Variants in SPTBN5 observed in about 807,000 individuals in gnomAD.
SPTBN5 encodes the protein spectrin beta chain, non-erythrocytic 5.
A neutral mutation model predicts 477.6 loss-of-function variants in SPTBN5; 513 were observed. That is an observed-to-expected ratio of 1.07 (90% CI 1.00 to 1.16). SPTBN5 has a LOEUF of 1.16. Ranked by LOEUF, SPTBN5 falls within the 50% of genes most tolerant of loss-of-function variation. The probability of loss-of-function intolerance (pLI) is 0.00; values close to 1 mark genes in which losing one functional copy is unlikely to be tolerated. For missense variants in SPTBN5, 5,062 were observed against 4,731.8 expected (o/e 1.07, Z -2.05); for synonymous variants, 2,169 against 2,011.7 (o/e 1.08, Z -2.09).
rs928629054 is a variant in SPTBN5, at chr15:41,874,988, G to T, written c.4356C>A (p.Arg1452=). Residue 1452 remains arginine, a synonymous_variant, in exon 23 of 68, where the codon CGC becomes CGA. Transcript: ENST00000320955. ...LQSSETGQDL[R]SSQRLQKRHQ... is the part of the protein sequence containing the mutation. ...GCCGTTTCTGCAGCCTCTGGCTGGA[G>T]CGCAGGTCCTGCCCTGTTTCCGAGC... The T allele has an allele frequency of 6.2e-7, 1 of 1,613,598 alleles. No homozygotes were observed. Among genetic ancestry groups the T allele is most frequent in the African/African-American group, 1.3e-5 (1 of 74,940 alleles).
chr15:41,867,907 G>A (rs1377213653), intron 34 of SPTBN5, among the ~76,000 whole-genome samples, 162 bp downstream of exon 34: 1 of 152,246 alleles, frequency 6.6e-6, no homozygotes, highest in Non-Finnish European at 1.5e-5. Flanking sequence ...TGGACGCTCA[G>A]GGGCCTCAGC....
chr15:41,852,520 GAGC>G lies in SPTBN5; in HGVS notation c.10449+111_10449+113del, dbSNP rs769667901. ...CACCACCGCAGCTGGCCAGGGAAAGGAGCAGGTAAGGCAGGGCCGGGTGAGGGC... is the reference window on the plus strand; with the variant it reads ...CACCACCGCAGCTGGCCAGGGAAAGGAGGTAAGGCAGGGCCGGGTGAGGGC... On this transcript the variant is annotated intron_variant, in intron 61 of 67. Transcript: ENST00000320955. 293 of 1,343,062 alleles carry G rather than the reference GAGC, an allele frequency of 2.2e-4. 1 individual carries two copies. The highest frequency in any genetic ancestry group is 2.2e-4 in the Non-Finnish European group (212 of 943,436). The allele number at this position is 1,343,062 out of a possible 1,614,324, so 83.2% of individuals were successfully genotyped here.
chr15:41,884,921 C>CG (rs2067097785), intron 7 of SPTBN5, among the ~76,000 whole-genome samples: 1 of 152,222 alleles, frequency 6.6e-6, no homozygotes, highest in East Asian at 1.9e-4. Flanking sequence ...TCTGCATGGC[C>CG]AGCTCGTCAC....
At chr15:41,874,556 C>A in intron 23 of SPTBN5, 78 bp from the exon 24 acceptor site, 1 of 1,261,554 alleles carries the variant, frequency 7.9e-7, no homozygotes, top group African/African-American at 1.5e-5. Context: ...TTGGCCAAGC[C>A]AGGGCCCGTG....
chr15:41,853,267 C>T lies in SPTBN5; in HGVS notation c.10161G>A (p.Met3387Ile), dbSNP rs1485946154. The T allele has an allele frequency of 1.9e-6, 3 of 1,604,220 alleles. No individual in the cohort carries two copies. The highest frequency in any genetic ancestry group is 1.1e-5 in the South Asian group (1 of 90,160). The change falls in exon 59 of 68, where the codon ATG becomes ATA. Residue 3387 changes from methionine to isoleucine, a missense_variant. Transcript: ENST00000320955. ...GQQLVDNSHFMSAEVTECLQE... is the reference protein window; with the variant it reads ...GQQLVDNSHFISAEVTECLQE... ...CCCTCTGAGTTCACACCTCCGCAGA[C>T]ATGAAGTGGCTGTTGTCCACCAGCT...
At chr15:41,855,080 C>CAT in intron 55 of SPTBN5, 104 bp from the exon 56 acceptor site, 1 of 1,445,662 alleles carries the variant, frequency 6.9e-7, no homozygotes, top group South Asian at 1.4e-5. Context: ...ATCCCTCAGC[C>CAT]CAGGTTCTGG....
At position 41,861,910 on chromosome 15, in the gene SPTBN5, G is replaced by C; in HGVS notation, c.7562C>G (p.Ser2521Cys). The C allele has an allele frequency of 6.2e-7, 1 of 1,604,332 alleles. No homozygotes were observed. Among genetic ancestry groups the C allele is most frequent in the Non-Finnish European group, 8.5e-7 (1 of 1,178,250 alleles). The part of the protein sequence containing the change: ...EHQECKAELD[S>C]WTDSISLARS... ...GGCCAGGCTGATGCTGTCTGTCCAG[G>C]AGTCCAGCTCGGCCTGGAACAGGAC... Residue 2521 changes from serine (S) to cysteine (C), a missense_variant, in exon 45 of 68, where the codon TCC (serine) becomes TGC (cysteine). Coordinates refer to ENST00000320955, the MANE Select transcript of SPTBN5 (RefSeq NM_016642.4).
At chr15:41,873,685 C>A in intron 25 of SPTBN5, 77 bp from the exon 26 acceptor site, 2 of 1,450,254 alleles carry the variant, frequency 1.4e-6, no homozygotes, top group Middle Eastern at 1.7e-4. Flanking sequence ...TCTGCCCCTG[C>A]TCTCCAGCAT....
At position 41,854,957 on chromosome 15, in the gene SPTBN5, T is replaced by C; in HGVS notation, c.9443A>G (p.Asp3148Gly). ...EGVKVLEEKF[D>G]AFRKEVQSLG... ...GCTCTGCACTTCCTTTCTGAAAGCA[T>C]CAAACTTCTCTTCCAGCACCTGCAA... is the stretch of plus-strand genomic sequence containing the variant. The change falls in exon 56 of 68, where the codon GAT becomes GGT. Residue 3148 changes from aspartate (D) to glycine (G), a missense_variant. Asp to Gly is a moderately conservative substitution (Grantham distance 94, BLOSUM62 -1). Coordinates refer to ENST00000320955, the MANE Select transcript of SPTBN5 (RefSeq NM_016642.4). The C allele has an allele frequency of 6.5e-7, 1 of 1,550,264 alleles. No homozygotes were observed. The highest frequency in any genetic ancestry group is 8.7e-7 in the Non-Finnish European group (1 of 1,148,922).
chr15:41,893,238 G>A, intron 2 of SPTBN5, 44 bp downstream of exon 2: 1 of 1,612,144 alleles, frequency 6.2e-7, no homozygotes, highest in Non-Finnish European at 8.5e-7. Flanking sequence ...CAGAGCTGGG[G>A]GCCTGGTATG....
At chr15:41,858,514 T>C in intron 49 of SPTBN5, 88 bp downstream of exon 49, 1 of 1,464,760 alleles carries the variant, frequency 6.8e-7, no homozygotes, top group Non-Finnish European at 9.1e-7. Context: ...CTGGCCACCG[T>C]TACTGTGGTT....
chr15:41,856,849 A>G lies in SPTBN5; in HGVS notation c.8808+4T>C, dbSNP rs552499336. ...AGGCCAGCCCTCCCCGGGTGGGCCC[A>G]CACCTGGTGCTGCTCCTGCAGGTGC... On this transcript the variant is annotated splice_donor_region_variant and intron_variant, in intron 52 of 67. Coordinates refer to ENST00000320955, the MANE Select transcript of SPTBN5 (RefSeq NM_016642.4). 17 of 1,542,792 alleles carry G rather than the reference A, an allele frequency of 1.1e-5. No individual in the cohort carries two copies. In the East Asian group the frequency reaches 3.9e-4, roughly 36 times the overall value.
Position 41,868,379 on chromosome 15 carries a change from AC to A in SPTBN5, c.6057+18del. The stretch of plus-strand genomic sequence containing the variant: ...TTGGTCAGCTAGGGTATGTGGGGGC[AC>A]CAGGGGAGGGGGCCCACCTCCTTGG... On this transcript the variant is annotated intron_variant, in intron 33 of 67. Transcript: ENST00000320955. 6.3e-7 allele frequency: 1 copy of A among 1,591,912 alleles called. No individual in the cohort carries two copies. Among genetic ancestry groups the A allele is most frequent in the Non-Finnish European group, 8.6e-7 (1 of 1,168,190 alleles).
At chr15:41,867,410 CCAGG>C in intron 35 of SPTBN5, 124 bp downstream of exon 35, 1 of 965,980 alleles carries the variant, frequency 1.0e-6, no homozygotes, top group Non-Finnish European at 1.6e-6. Flanking sequence ...TCAACCCCAA[CCAGG>C]ACCCCAGCCT....
rs761362634 is a variant in SPTBN5, at chr15:41,855,546, C to T, written c.9218+3G>A. On this transcript the variant is annotated splice_donor_region_variant and intron_variant, in intron 54 of 67. Transcript: ENST00000320955. ...CTTCGCGGATGGTGTGGCTTCCGCC[C>T]ACCTTTCTGGGTTCTTCCTGCTCTC... 1.9e-6 allele frequency: 3 copies of T among 1,607,488 alleles called. No homozygotes were observed. The highest frequency in any genetic ancestry group is 4.5e-5 in the East Asian group (2 of 44,704).
intron 32 of SPTBN5, 73 bp downstream of exon 32, chr15:41,869,768 T>A (rs1269631401): frequency 7.3e-7 from 1 of 1,365,340 alleles, no homozygotes; most frequent in Non-Finnish European, 9.4e-7. Context: ...GAGGGCCTCA[T>A]GCGTGCATGC....
Position 41,882,138 on chromosome 15 carries a change from G to A in SPTBN5, c.2255C>T (p.Ala752Val). Residue 752 changes from alanine (A) to valine (V), a missense_variant, in exon 12 of 68, where the codon GCG becomes GTG. Coordinates refer to ENST00000320955, the MANE Select transcript of SPTBN5 (RefSeq NM_016642.4). ...QTALLVLQYF[A>V]DAAEAASWLR... The stretch of plus-strand genomic sequence containing the variant: ...CCACGAAGCCGCCTCCGCCGCGTCC[G>A]CGAAGTACTGTGGGAGGGGGTCGGG... 1 of 1,571,626 alleles carries A rather than the reference G, an allele frequency of 6.4e-7. No homozygotes were observed. Among genetic ancestry groups the A allele is most frequent in the South Asian group, 1.1e-5 (1 of 87,244 alleles).
Position 41,871,473 on chromosome 15 carries a change from G to A in SPTBN5, c.5349C>T (p.Gly1783=), listed in dbSNP as rs1237852631. 8 of 1,535,704 alleles carry A rather than the reference G, an allele frequency of 5.2e-6. No homozygotes were observed. In the South Asian group the frequency reaches 7.3e-5, roughly 14 times the overall value. Reference sequence around the variant, plus strand: ...GCCGGCAGGCGGCCACCCGCTGGCTGCCCATCTCCACTTGGTGCTGAAACT... The same window carrying A: ...GCCGGCAGGCGGCCACCCGCTGGCTACCCATCTCCACTTGGTGCTGAAACT... ...FAKFQHQVEM[G]SQRVAACRLL... The change falls in exon 29 of 68, where the codon GGC becomes GGT. Residue 1783 remains glycine (G), a synonymous_variant. Transcript: ENST00000320955.
At position 41,879,413 on chromosome 15, in the gene SPTBN5, C is replaced by G; in HGVS notation, c.3029G>C (p.Gly1010Ala). ...GTCTCGCAGCTGGACCTGTGTGGGT[C>G]CACACTCCTGCAGAAAACTGCACAC... ...VEVCSFLQEC[G>A]PTQVQLRDVL... Residue 1010 changes from glycine (G) to alanine (A), a missense_variant, in exon 16 of 68, where the codon GGA (glycine) becomes GCA (alanine). Physicochemically the swap from Gly to Ala is moderately conservative, Grantham distance 60. Coordinates refer to ENST00000320955, the MANE Select transcript of SPTBN5 (RefSeq NM_016642.4). The G allele has an allele frequency of 6.2e-7, 1 of 1,610,604 alleles. No individual in the cohort carries two copies. Among genetic ancestry groups the G allele is most frequent in the Non-Finnish European group, 8.5e-7 (1 of 1,179,658 alleles).
Sources: allele counts gnomAD v4.1 joint callset (sites outside exome capture counted in the v4.1 genomes callset), GRCh38; gene constraint gnomAD v4.1.1; transcripts MANE v1.5; gene names NCBI Gene and HGNC (gene_info 2026-07-23, HGNC 2026-07-21).